GRM8: variants seen among roughly 807,000 people sequenced by gnomAD.
GRM8 encodes metabotropic glutamate receptor 8.
A neutral mutation model predicts 87.2 loss-of-function variants in GRM8; 47 were observed. The ratio of observed to expected loss-of-function variants is 0.54; its 90% CI spans 0.43 to 0.69. GRM8 has a LOEUF of 0.69. Ranked by LOEUF, GRM8 falls within the 30% of genes least tolerant of loss-of-function variation. The probability of loss-of-function intolerance (pLI) is 0.00; values close to 1 mark genes in which losing one functional copy is unlikely to be tolerated. For synonymous variants in GRM8, 396 were observed against 404.5 expected, an observed-to-expected ratio of 0.98 and a Z score of 0.25; for missense variants, 1,019 against 1,139.2, an observed-to-expected ratio of 0.89 and a Z score of 1.52.
intron 7 of GRM8, among the ~76,000 whole-genome samples, chr7:126,769,073 C>T (rs1259482209): frequency 6.6e-6 from 1 of 151,976 alleles, no homozygotes; most frequent in African/African-American, 2.4e-5. Flanking sequence ...AAGGCATGTC[C>T]ATTGTATGGA....
chr7:126,499,892 AAC>A (rs762682502), intron 9 of GRM8, among the ~76,000 whole-genome samples: 42 of 126,742 alleles, frequency 3.3e-4, no homozygotes, highest in Non-Finnish European at 5.7e-4. Flanking sequence ...TATAGTTAAT[AAC>A]ACTGTATTCT....
At chr7:126,750,666 C>CT (rs968675530) in intron 7 of GRM8, among the ~76,000 whole-genome samples, 14 of 152,010 alleles carry the variant, frequency 9.2e-5, no homozygotes, top group Non-Finnish European at 1.5e-4. Context: ...TAAAACGACT[C>CT]TTTTTTTGGC....
At chr7:126,479,170 T>C (rs886933030) in intron 9 of GRM8, among the ~76,000 whole-genome samples, 9 of 152,118 alleles carry the variant, frequency 5.9e-5, no homozygotes, top group African/African-American at 2.2e-4. Flanking sequence ...GATCCTAATC[T>C]TGTGTTGGTA....
At chr7:126,760,345 T>C (rs1268098124) in intron 7 of GRM8, among the ~76,000 whole-genome samples, 1 of 152,210 alleles carries the variant, frequency 6.6e-6, no homozygotes, top group Non-Finnish European at 1.5e-5. Context: ...GGCTCAGTCT[T>C]GGCCCACATG....
At chr7:127,064,911 T>C (rs1022525908) in intron 3 of GRM8, among the ~76,000 whole-genome samples, 1 of 152,140 alleles carries the variant, frequency 6.6e-6, no homozygotes, top group Admixed American at 6.5e-5. Context: ...CTATACACTG[T>C]TGGTGGGAGT....
intron 3 of GRM8, among the ~76,000 whole-genome samples, chr7:127,045,450 C>T (rs1057038087): frequency 2.6e-5 from 4 of 151,968 alleles, no homozygotes; most frequent in Non-Finnish European, 5.9e-5. Context: ...CAGTCTAATC[C>T]GTTATTTTTT....
chr7:126,770,112 T>A (rs1414847874), intron 6 of GRM8, 47 bp from the exon 7 acceptor site: 1 of 1,300,914 alleles, frequency 7.7e-7, no homozygotes, highest in Non-Finnish European at 1.1e-6. Context: ...TAGATTCCAA[T>A]AAAAGACAGC....
At chr7:126,827,353 A>G (rs921748463) in intron 6 of GRM8, among the ~76,000 whole-genome samples, 6 of 152,166 alleles carry the variant, frequency 3.9e-5, no homozygotes, top group African/African-American at 1.4e-4. Flanking sequence ...TGAGGATGGA[A>G]TGTTCTTCCA....
intron 3 of GRM8, among the ~76,000 whole-genome samples, chr7:126,947,784 G>T (rs1440983149): frequency 6.6e-6 from 1 of 152,014 alleles, no homozygotes; most frequent in Non-Finnish European, 1.5e-5. Context: ...CAAAAACTTG[G>T]ACTAACATCA....
chr7:127,195,916 G>C (rs904495150), intron 2 of GRM8, among the ~76,000 whole-genome samples: 1 of 152,046 alleles, frequency 6.6e-6, no homozygotes, highest in Non-Finnish European at 1.5e-5. Context: ...CCCAAATACA[G>C]CCTGGTGTAA....
chr7:126,636,999 A>T (rs1210758236), intron 7 of GRM8, among the ~76,000 whole-genome samples: 1 of 152,118 alleles, frequency 6.6e-6, no homozygotes. Flanking sequence ...TTGTAATGTT[A>T]CCTTATAAGA....
At chr7:127,159,482 G>A (rs1792955632) in intron 2 of GRM8, among the ~76,000 whole-genome samples, 1 of 152,020 alleles carries the variant, frequency 6.6e-6, no homozygotes, top group African/African-American at 2.4e-5. Flanking sequence ...TGAAACAGCT[G>A]TATAAAAGCT....
chr7:126,866,750 C>T (rs572997838), intron 6 of GRM8, among the ~76,000 whole-genome samples: 96 of 151,938 alleles, frequency 6.3e-4, no homozygotes, highest in Middle Eastern at 3.4e-3. Context: ...TGCCACCATG[C>T]CTGGCTAATT....
intron 7 of GRM8, among the ~76,000 whole-genome samples, chr7:126,647,312 TAGA>T (rs1803234693): frequency 1.1e-5 from 1 of 87,714 alleles, no homozygotes; most frequent in African/African-American, 3.2e-5. Context: ...GATAGATAGA[TAGA>T]TAGATAGATA....
At position 126,533,771 on chromosome 7, in the gene GRM8, G is replaced by T; in HGVS notation, c.1611C>A (p.His537Gln). Residue 537 changes from histidine to glutamine, a missense_variant, in exon 9 of 11, where the codon CAC becomes CAA. His to Gln is a conservative substitution (Grantham distance 24). Transcript: ENST00000339582. The part of the protein sequence containing the change: ...KTVKGVPCCW[H>Q]CERCEGYNYQ... ...AGTTGTAACCTTCACAGCGTTCACAGTGCCAGCAGCAAGGGACCCCTTTCA... is the reference window on the plus strand; with the variant it reads ...AGTTGTAACCTTCACAGCGTTCACATTGCCAGCAGCAAGGGACCCCTTTCA... 6.2e-7 allele frequency: 1 copy of T among 1,614,084 alleles called. No individual in the cohort carries two copies. Among genetic ancestry groups the T allele is most frequent in the Non-Finnish European group, 8.5e-7 (1 of 1,179,968 alleles).
intron 3 of GRM8, among the ~76,000 whole-genome samples, chr7:126,983,732 T>C (rs1334806819): frequency 6.6e-6 from 1 of 152,080 alleles, no homozygotes; most frequent in Non-Finnish European, 1.5e-5. Context: ...CTGATTAAGG[T>C]TAATGGGAAA....
At chr7:127,151,202 A>G (rs1828843024) in intron 2 of GRM8, among the ~76,000 whole-genome samples, 1 of 151,978 alleles carries the variant, frequency 6.6e-6, no homozygotes, top group Admixed American at 6.6e-5. Flanking sequence ...CCTAGAGGGT[A>G]TGTTTTTAGT....
At chr7:126,745,051 T>C (rs1815486679) in intron 7 of GRM8, among the ~76,000 whole-genome samples, 1 of 151,906 alleles carries the variant, frequency 6.6e-6, no homozygotes, top group African/African-American at 2.4e-5. Context: ...ATATCTGAGA[T>C]AAATAATCAA....
rs563585247 is a variant in GRM8 at position 126,774,286 on chromosome 7, G to C, written c.1157-4221C>G. The stretch of plus-strand genomic sequence containing the variant: ...AATTTGCTCCTCACTTCCTATATTT[G>C]ATTCTCTCATTCATCTAAAAGAGGA... On this transcript the variant is annotated intron_variant, in intron 6 of 10. Coordinates refer to ENST00000339582, the MANE Select transcript of GRM8 (RefSeq NM_000845.3). 2.0e-5 allele frequency among the ~76,000 whole-genome samples: 3 copies of C among 152,224 alleles called. No homozygotes were observed. The South Asian group carries it at 6.2e-4, about 32-fold the overall frequency.
Sources: allele counts gnomAD v4.1 joint callset (sites outside exome capture counted in the v4.1 genomes callset), GRCh38; gene constraint gnomAD v4.1.1; transcripts MANE v1.5; gene names NCBI Gene and HGNC (gene_info 2026-07-23, HGNC 2026-07-21).